Variants in LATS2 observed in about 807,000 individuals in gnomAD.
LATS2 encodes large tumor suppressor kinase 2.
LATS2 carries 24 observed loss-of-function variants against 76.0 expected under a neutral mutation model. The observed-to-expected ratio is 0.32, with a 90% CI of 0.23 to 0.44. LATS2 has a LOEUF of 0.44. Among genes scored for constraint, LATS2 ranks in the 20% least tolerant of loss-of-function variants. LATS2 has a pLI of 1.00. For synonymous variants in LATS2, 692 were observed against 635.4 expected (o/e 1.09, Z -1.34); for missense variants, 1,286 against 1,481.2 (o/e 0.87, Z 2.16).
At chr13:20,982,268 G>T (rs1160194534) in intron 5 of LATS2, among the ~76,000 whole-genome samples, 1 of 152,200 alleles carries the variant, frequency 6.6e-6, no homozygotes, top group Non-Finnish European at 1.5e-5. Context: ...ATAGATGCAG[G>T]TTGGCTATAA....
At chr13:21,026,283 C>T (rs1872308310) in intron 2 of LATS2, among the ~76,000 whole-genome samples, 1 of 151,544 alleles carries the variant, frequency 6.6e-6, no homozygotes, top group Admixed American at 6.6e-5. Flanking sequence ...CTCCCTCCAC[C>T]CCACCCTAAG....
rs138818940 is a variant in LATS2 at position 21,058,735 on chromosome 13, A to G, written c.-205+2611T>C. Among the ~76,000 whole-genome samples, 109 of 152,374 alleles carry G rather than the reference A, an allele frequency of 7.2e-4. 1 individual carries two copies. The highest frequency in any genetic ancestry group is 2.5e-3 in the African/African-American group (102 of 41,584). On this transcript the variant is annotated intron_variant, in intron 1 of 7. Coordinates refer to ENST00000382592, the MANE Select transcript of LATS2 (RefSeq NM_014572.3). Reference sequence around the variant, plus strand: ...TAAACTGCCTGAGATTTGGAAAGTTATTAAATGTTCACCAACTTATATTCA... The same window carrying G: ...TAAACTGCCTGAGATTTGGAAAGTTGTTAAATGTTCACCAACTTATATTCA...
chr13:20,974,858 C>A lies in LATS2; in HGVS notation c.*12G>T. On this transcript the variant is annotated 3_prime_UTR_variant, in exon 8 of 8. Coordinates refer to ENST00000382592, the MANE Select transcript of LATS2 (RefSeq NM_014572.3). Reference sequence around the variant, plus strand: ...TGGGAGGCAGCGAGTGGTGGGGGTGCCTGGCCCCCATCTACACGTACACAG... The same window carrying A: ...TGGGAGGCAGCGAGTGGTGGGGGTGACTGGCCCCCATCTACACGTACACAG... The A allele has an allele frequency of 6.3e-7, 1 of 1,591,208 alleles. No homozygotes were observed.
rs561089602 is a variant in LATS2, at chr13:21,006,349, G to A, written c.343-14945C>T. Reference sequence around the variant, plus strand: ...AACAGGTGGCCACTCTCTGGCCCTGGTCCCCAGCGCCCACTGTGTACATCC... The same window carrying A: ...AACAGGTGGCCACTCTCTGGCCCTGATCCCCAGCGCCCACTGTGTACATCC... On this transcript the variant is annotated intron_variant, in intron 2 of 7. Coordinates refer to ENST00000382592, the MANE Select transcript of LATS2 (RefSeq NM_014572.3). Among the ~76,000 whole-genome samples, 12 of 152,224 alleles carry A rather than the reference G, an allele frequency of 7.9e-5. No individual in the cohort carries two copies. In the East Asian group the frequency reaches 1.9e-3, roughly 25 times the overall value.
chr13:21,022,653 C>T (rs1872116801), intron 2 of LATS2, among the ~76,000 whole-genome samples: 3 of 152,088 alleles, frequency 2.0e-5, no homozygotes, highest in Non-Finnish European at 1.5e-5. Flanking sequence ...AGGAATCCCG[C>T]GTTTACTGCC....
Position 20,991,550 on chromosome 13 carries a change from A to G in LATS2, c.343-146T>C. The G allele has an allele frequency of 2.2e-6, 2 of 903,600 alleles. No homozygotes were observed. Among genetic ancestry groups the G allele is most frequent in the Non-Finnish European group, 3.3e-6 (2 of 598,450 alleles). The allele number at this position is 903,600 out of a possible 1,614,324, so 56.0% of individuals were successfully genotyped here. On this transcript the variant is annotated intron_variant, in intron 2 of 7. Transcript: ENST00000382592. The surrounding 1 kb of genome is among the most constrained non-coding windows in gnomAD (Gnocchi z 4.9). ...CTGCGATATGCTGCAGGAGACCCTC[A>G]GAATGAGTGCAGGTGGCTGTGTGCC...
intron 2 of LATS2, among the ~76,000 whole-genome samples, chr13:21,013,167 T>A (rs540565259): frequency 6.6e-5 from 10 of 152,210 alleles, no homozygotes; most frequent in African/African-American, 1.9e-4. Context: ...ATATGAAGGT[T>A]CTCATGTGCT....
At chr13:21,049,389 T>C (rs988183250) in intron 1 of LATS2, among the ~76,000 whole-genome samples, 2 of 152,112 alleles carry the variant, frequency 1.3e-5, no homozygotes, top group Middle Eastern at 3.2e-3. Flanking sequence ...GGAAGGGGTT[T>C]CAGGTCTGGA....
At chr13:21,008,639 A>G (rs1215965153) in intron 2 of LATS2, among the ~76,000 whole-genome samples, 3 of 152,326 alleles carry the variant, frequency 2.0e-5, no homozygotes, top group Non-Finnish European at 2.9e-5. Flanking sequence ...AAAAAATAAG[A>G]GAGCACTTCA....
At chr13:21,031,779 G>C (rs1004251028) in intron 2 of LATS2, among the ~76,000 whole-genome samples, 7 of 152,150 alleles carry the variant, frequency 4.6e-5, no homozygotes, top group Non-Finnish European at 7.4e-5. Flanking sequence ...AGGATTGCTT[G>C]AGCCCGGGAA....
intron 1 of LATS2, among the ~76,000 whole-genome samples, chr13:21,052,571 C>G (rs1047375915): frequency 4.6e-5 from 7 of 152,122 alleles, no homozygotes; most frequent in Non-Finnish European, 8.8e-5. Flanking sequence ...AGGCTGGTCT[C>G]GAACTCCTGA....
chr13:21,019,716 G>T (rs1345323390), intron 2 of LATS2, among the ~76,000 whole-genome samples: 1 of 140,602 alleles, frequency 7.1e-6, no homozygotes, highest in Non-Finnish European at 1.5e-5. Context: ...GCTCATGCCT[G>T]TAATCCTAGC....
intron 2 of LATS2, among the ~76,000 whole-genome samples, chr13:21,007,974 G>A (rs1871426872): frequency 6.6e-6 from 1 of 150,924 alleles, no homozygotes; most frequent in African/African-American, 2.4e-5. Context: ...GTCCAGGCTG[G>A]TCTCAAACTC....
Position 21,056,821 on chromosome 13 carries a change from G to T in LATS2, c.-205+4525C>A, listed in dbSNP as rs889974614. On this transcript the variant is annotated intron_variant, in intron 1 of 7. Coordinates refer to ENST00000382592, the MANE Select transcript of LATS2 (RefSeq NM_014572.3). ...GATTATTTGGAGAAGGTATCTTAGAGAAAGGGATGTTTCACCAAAATTAGA... is the reference window on the plus strand; with the variant it reads ...GATTATTTGGAGAAGGTATCTTAGATAAAGGGATGTTTCACCAAAATTAGA... Among the ~76,000 whole-genome samples the T allele has an allele frequency of 2.0e-5, 3 of 152,228 alleles. No homozygotes were observed. The South Asian group carries it at 6.2e-4, about 31-fold the overall frequency.
At chr13:21,012,057 C>A (rs1012103461) in intron 2 of LATS2, among the ~76,000 whole-genome samples, 1 of 152,094 alleles carries the variant, frequency 6.6e-6, no homozygotes, top group Admixed American at 6.5e-5. Context: ...AACGCTATAA[C>A]AAAATGATCT....
chr13:21,041,206 T>A (rs566333174), intron 2 of LATS2, among the ~76,000 whole-genome samples: 77 of 152,250 alleles, frequency 5.1e-4, no homozygotes, highest in Middle Eastern at 3.4e-3. Context: ...CCTCCTGACC[T>A]CATGATCTGC....
At chr13:21,029,806 A>C (rs901304016) in intron 2 of LATS2, among the ~76,000 whole-genome samples, 1 of 152,010 alleles carries the variant, frequency 6.6e-6, no homozygotes. Context: ...AGAAAAAAAA[A>C]GATATTGGGG....
intron 2 of LATS2, among the ~76,000 whole-genome samples, chr13:20,993,746 T>C (rs1055761440): frequency 6.6e-6 from 1 of 152,126 alleles, no homozygotes; most frequent in Non-Finnish European, 1.5e-5. Context: ...GGACAGGAGA[T>C]AAGACTCCCA....
chr13:20,994,530 GGA>G (rs1422995553), intron 2 of LATS2, among the ~76,000 whole-genome samples: 2 of 152,230 alleles, frequency 1.3e-5, no homozygotes, highest in Non-Finnish European at 2.9e-5. Flanking sequence ...GGATGCGGGA[GGA>G]GTGTGTCAGA....
Sources: gnomAD v4.1 joint callset for allele counts (sites outside exome capture counted in the v4.1 genomes callset) on GRCh38, gnomAD v4.1.1 for gene constraint, Gnocchi (gnomAD v3.1) non-coding constraint, MANE v1.5 for transcripts, NCBI Gene and HGNC (gene_info 2026-07-23, HGNC 2026-07-21) for gene names.